Variants in RAB38 observed in about 807,000 individuals in gnomAD.
The protein encoded by RAB38 is RAB38, member RAS oncogene family, also known as ras-related protein Rab-38.
In RAB38, 15 loss-of-function variants were observed where a neutral mutation model predicts 18.4. The observed-to-expected ratio is 0.82, with a 90% CI of 0.55 to 1.26. RAB38 has a LOEUF of 1.26. Among genes scored for constraint, RAB38 ranks in the 50% most tolerant of loss-of-function variants. The pLI, the probability that RAB38 is intolerant of heterozygous loss-of-function variation, is 0.00. For missense variants in RAB38, 294 were observed against 267.4 expected (o/e 1.10, Z -0.69); for synonymous variants, 101 against 104.4 (o/e 0.97, Z 0.20).
the RAB38 span, among the ~76,000 whole-genome samples, chr11:88,035,309 C>A: frequency 1.1e-4 from 16 of 152,148 alleles, no homozygotes; most frequent in African/African-American, 2.9e-4. Flanking sequence ...CAGTCTTGTA[C>A]CTGCTTCTTT....
the RAB38 span, among the ~76,000 whole-genome samples, chr11:88,030,653 A>G: frequency 6.6e-6 from 1 of 152,248 alleles, no homozygotes. Context: ...TCCTCAACAC[A>G]TACACTCTCC....
At chr11:88,149,034 A>C (rs139970004) in intron 2 of RAB38, among the ~76,000 whole-genome samples, 447 of 152,278 alleles carry the variant, frequency 2.9e-3, no homozygotes, top group Non-Finnish European at 4.6e-3. Context: ...GGGAACAATG[A>C]GAAGTATATT....
the RAB38 span, among the ~76,000 whole-genome samples, chr11:88,104,571 T>C: frequency 1.3e-5 from 2 of 152,100 alleles, no homozygotes; most frequent in Non-Finnish European, 2.9e-5. Flanking sequence ...AATTTCTTCA[T>C]CTCTCAAATC....
At chr11:87,847,440 A>G in the RAB38 span, among the ~76,000 whole-genome samples, 1 of 152,150 alleles carries the variant, frequency 6.6e-6, no homozygotes, top group Non-Finnish European at 1.5e-5. Context: ...AATTTATACA[A>G]AATGAAAGAA....
At chr11:88,011,458 G>C in the RAB38 span, among the ~76,000 whole-genome samples, 1 of 152,144 alleles carries the variant, frequency 6.6e-6, no homozygotes, top group Non-Finnish European at 1.5e-5. Context: ...GACCTGCATA[G>C]AGTAACATAA....
chr11:87,936,523 C>G, the RAB38 span, among the ~76,000 whole-genome samples: 6 of 152,084 alleles, frequency 3.9e-5, no homozygotes, highest in African/African-American at 1.4e-4. Flanking sequence ...CCAGCCCTGA[C>G]ACACTCCATC....
Position 88,114,067 on chromosome 11 carries a change from T to G in RAB38, c.557A>C (p.Glu186Ala). 6.2e-7 allele frequency: 1 copy of G among 1,614,160 alleles called. No homozygotes were observed. Among genetic ancestry groups the G allele is most frequent in the Non-Finnish European group, 8.5e-7 (1 of 1,180,002 alleles). ...HILANECDLM[E>A]SIEPDVVKPH... ...CTTCACGACGTCCGGCTCAATAGAC[T>G]CCATTAGGTCACACTCATTTGCAAG... The change falls in exon 3 of 3, where the codon GAG becomes GCG. Residue 186 changes from glutamate to alanine, a missense_variant. Coordinates refer to ENST00000243662, the MANE Select transcript of RAB38 (RefSeq NM_022337.3).
chr11:87,956,570 G>A, the RAB38 span, among the ~76,000 whole-genome samples: 25 of 152,088 alleles, frequency 1.6e-4, no homozygotes, highest in Non-Finnish European at 2.9e-4. Context: ...TAACCCCTAC[G>A]TGTCCAACCT....
chr11:87,961,452 A>G, the RAB38 span, among the ~76,000 whole-genome samples: 1 of 152,158 alleles, frequency 6.6e-6, no homozygotes, highest in South Asian at 2.1e-4. Flanking sequence ...CAGCCGTGCA[A>G]GTGGCCAGCC....
At chr11:87,935,202 C>T in the RAB38 span, among the ~76,000 whole-genome samples, 2 of 152,098 alleles carry the variant, frequency 1.3e-5, no homozygotes, top group African/African-American at 4.8e-5. Context: ...AACGTCTCCT[C>T]AGTCATTTCA....
At chr11:87,847,186 C>A in the RAB38 span, among the ~76,000 whole-genome samples, 2 of 151,756 alleles carry the variant, frequency 1.3e-5, no homozygotes, top group Non-Finnish European at 2.9e-5. Flanking sequence ...TTGAAAAGAA[C>A]AGATGGTAGA....
the RAB38 span, among the ~76,000 whole-genome samples, chr11:87,908,513 A>C: frequency 2.0e-5 from 3 of 151,994 alleles, no homozygotes; most frequent in African/African-American, 7.2e-5. Flanking sequence ...AATTTTGTGG[A>C]AACTATGGAG....
the RAB38 span, among the ~76,000 whole-genome samples, chr11:88,053,789 A>G: frequency 6.8e-6 from 1 of 147,800 alleles, no homozygotes; most frequent in Non-Finnish European, 1.5e-5. Flanking sequence ...AAAGGACTTA[A>G]GCTTTTTTTT....
chr11:88,104,404 T>C, the RAB38 span, among the ~76,000 whole-genome samples: 5 of 152,096 alleles, frequency 3.3e-5, no homozygotes, highest in Non-Finnish European at 5.9e-5. Flanking sequence ...TATGGTCATA[T>C]GAAAATATGG....
At chr11:88,088,510 T>A in the RAB38 span, among the ~76,000 whole-genome samples, 1 of 151,874 alleles carries the variant, frequency 6.6e-6, no homozygotes, top group Non-Finnish European at 1.5e-5. Flanking sequence ...GAAGACTAAG[T>A]CTTCTAACTG....
chr11:87,837,845 T>C, the RAB38 span, among the ~76,000 whole-genome samples: 1 of 152,198 alleles, frequency 6.6e-6, no homozygotes, highest in African/African-American at 2.4e-5. Flanking sequence ...AAGGCAGTGA[T>C]GACAAAATGA....
At chr11:87,889,447 GACT>G in the RAB38 span, among the ~76,000 whole-genome samples, 2 of 151,808 alleles carry the variant, frequency 1.3e-5, no homozygotes, top group Non-Finnish European at 2.9e-5. Flanking sequence ...TTGTTGGCTG[GACT>G]ACTTTTTCCT....
chr11:88,019,520 T>C, the RAB38 span, among the ~76,000 whole-genome samples: 1 of 152,200 alleles, frequency 6.6e-6, no homozygotes, highest in Non-Finnish European at 1.5e-5. Context: ...ATAAATGGAA[T>C]CCTTTAAAAT....
At chr11:88,091,590 C>A in the RAB38 span, among the ~76,000 whole-genome samples, 2 of 152,022 alleles carry the variant, frequency 1.3e-5, no homozygotes, top group African/African-American at 4.8e-5. Context: ...TTCTCACTGT[C>A]TCTCATTGTC....
Sources: gnomAD v4.1 joint callset for allele counts (sites outside exome capture counted in the v4.1 genomes callset) on GRCh38, gnomAD v4.1.1 for gene constraint, MANE v1.5 for transcripts, NCBI Gene and HGNC (gene_info 2026-07-23, HGNC 2026-07-21) for gene names.